The following PDE6C variants were observed in gnomAD, a reference collection of about 807,000 sequenced individuals.
PDE6C encodes phosphodiesterase 6C, also known as cone cGMP-specific 3',5'-cyclic phosphodiesterase subunit alpha'.
In PDE6C, 75 loss-of-function variants were observed where a neutral mutation model predicts 113.1. The observed-to-expected ratio is 0.66, with a 90% confidence interval of 0.55 to 0.80. PDE6C has a LOEUF of 0.80. PDE6C is among the 30% of genes least tolerant of loss of function. The pLI, the probability that PDE6C is intolerant of heterozygous loss-of-function variation, is 0.00. For synonymous variants in PDE6C, 375 were observed against 363.7 expected, an observed-to-expected ratio of 1.03 and a Z score of -0.35; for missense variants, 912 against 1,038.6, an observed-to-expected ratio of 0.88 and a Z score of 1.67.
At chr10:93,635,982 T>C (rs2058527462) in intron 10 of PDE6C, among the ~76,000 whole-genome samples, 1 of 152,214 alleles carries the variant, frequency 6.6e-6, no homozygotes, top group Admixed American at 6.5e-5. Flanking sequence ...CTCAGTGTCA[T>C]GCAGTAATGA....
chr10:93,646,015 C>T lies in PDE6C; in HGVS notation c.1903C>T (p.Leu635=), dbSNP rs2058582458. ...TTCTTCTATTTTGGAGAGGCACCACCTGGAGTACAGTAAGACTCTGTTGCA... is the reference window on the plus strand; with the variant it reads ...TTCTTCTATTTTGGAGAGGCACCACTTGGAGTACAGTAAGACTCTGTTGCA... ...HGSSILERHH[L]EYSKTLLQDE... is the part of the protein sequence containing the mutation. Residue 635 remains leucine (L), a synonymous_variant, in exon 15 of 22, where the codon CTG becomes TTG. Coordinates refer to ENST00000371447, the MANE Select transcript of PDE6C (RefSeq NM_006204.4). 1 of 1,605,992 alleles carries T rather than the reference C, an allele frequency of 6.2e-7. No homozygotes were observed. The highest frequency in any genetic ancestry group is 1.7e-5 in the Admixed American group (1 of 59,940).
Position 93,620,899 on chromosome 10 carries a change from CAAA to C in PDE6C, c.643_645del (p.Lys215del). The C allele has an allele frequency of 1.2e-6, 2 of 1,613,494 alleles. No individual in the cohort carries two copies. The highest frequency in any genetic ancestry group is 1.7e-6 in the Non-Finnish European group (2 of 1,179,460). On this transcript the variant is annotated inframe_deletion, in exon 3 of 22. Coordinates refer to ENST00000371447, the MANE Select transcript of PDE6C (RefSeq NM_006204.4). ...TTCTCTGCCGTCTGTAGGTCTTTTCCAAATACCTCAACTTTGTGTCTATCATCC... is the reference window on the plus strand; with the variant it reads ...TTCTCTGCCGTCTGTAGGTCTTTTCCTACCTCAACTTTGTGTCTATCATCC...
chr10:93,622,538 G>A (rs1279714779), intron 4 of PDE6C, among the ~76,000 whole-genome samples: 4 of 151,610 alleles, frequency 2.6e-5, no homozygotes, highest in African/African-American at 9.7e-5. Context: ...TCATATATCT[G>A]CTACTACAGT....
intron 8 of PDE6C, among the ~76,000 whole-genome samples, chr10:93,629,853 G>A (rs1333663201): frequency 2.6e-5 from 4 of 152,076 alleles, no homozygotes; most frequent in Admixed American, 6.5e-5. Flanking sequence ...AGTTTCACCC[G>A]AGTACCCACT....
chr10:93,639,978 T>C, intron 11 of PDE6C, 92 bp from the exon 12 acceptor site: 5 of 1,278,400 alleles, frequency 3.9e-6, no homozygotes, highest in Non-Finnish European at 5.7e-6. Flanking sequence ...GTTCTTTTAT[T>C]GTAATTTTGG....
chr10:93,663,279 C>A, intron 21 of PDE6C, 101 bp downstream of exon 21: 1 of 1,174,990 alleles, frequency 8.5e-7, no homozygotes, highest in Non-Finnish European at 1.2e-6. Flanking sequence ...AAACAGAAAA[C>A]CTGCTTTACT....
chr10:93,642,582 T>G (rs2058565122), intron 14 of PDE6C, among the ~76,000 whole-genome samples: 1 of 152,144 alleles, frequency 6.6e-6, no homozygotes, highest in Non-Finnish European at 1.5e-5. Flanking sequence ...ACAGACTGAA[T>G]GGGCTTTGGA....
chr10:93,640,141 G>A lies in PDE6C; in HGVS notation c.1554G>A (p.Glu518=), dbSNP rs2058551988. 6.2e-7 allele frequency: 1 copy of A among 1,613,820 alleles called. No individual in the cohort carries two copies. The highest frequency in any genetic ancestry group is 2.2e-5 in the East Asian group (1 of 44,890). ...GCTTCAGTGACTTCCCCCTTACAGAGCACGGATTGATTAAATGTGGAATAC... is the reference window on the plus strand; with the variant it reads ...GCTTCAGTGACTTCCCCCTTACAGAACACGGATTGATTAAATGTGGAATAC... ...EFRFSDFPLT[E]HGLIKCGIRL... is the part of the protein sequence containing the mutation. The change falls in exon 12 of 22, where the codon GAG becomes GAA. Residue 518 remains glutamate, a synonymous_variant. Coordinates refer to ENST00000371447, the MANE Select transcript of PDE6C (RefSeq NM_006204.4).
Position 93,612,943 on chromosome 10 carries a change from G to A in PDE6C, c.218G>A (p.Gly73Glu). Residue 73 changes from glycine (G) to glutamate (E), a missense_variant, in exon 1 of 22, where the codon GGG becomes GAG. Gly to Glu is a moderately conservative substitution (Grantham distance 98). Coordinates refer to ENST00000371447, the MANE Select transcript of PDE6C (RefSeq NM_006204.4). ...CTGCTGTGGACCGTGCAGGAGGAGG[G>A]GGGCACCCCAGAGCAGGGGGTTCAC... ...LELLWTVQEE[G>E]GTPEQGVHRA... 6.2e-7 allele frequency: 1 copy of A among 1,613,954 alleles called. No homozygotes were observed. The highest frequency in any genetic ancestry group is 8.5e-7 in the Non-Finnish European group (1 of 1,179,986).
chr10:93,613,584 G>A (rs940510922), intron 1 of PDE6C, among the ~76,000 whole-genome samples: 9 of 152,180 alleles, frequency 5.9e-5, no homozygotes, highest in Non-Finnish European at 1.2e-4. Context: ...TACCCCACTA[G>A]GGAGATGGGC....
intron 15 of PDE6C, 121 bp from the exon 16 acceptor site, chr10:93,655,639 C>CAAAAAAAA: frequency 1.9e-5 from 6 of 318,946 alleles, no homozygotes; most frequent in South Asian, 3.2e-5. Flanking sequence ...GGAAGGAAAA[C>CAAAAAAAA]AAAAAAAAAA....
intron 12 of PDE6C, 111 bp from the exon 13 acceptor site, chr10:93,640,339 C>A: frequency 8.1e-7 from 1 of 1,239,314 alleles, no homozygotes; most frequent in Non-Finnish European, 1.2e-6. Flanking sequence ...CTAAATACAT[C>A]AGCTTAACCC....
chr10:93,651,334 T>C (rs1286397436), intron 15 of PDE6C, among the ~76,000 whole-genome samples: 1 of 152,144 alleles, frequency 6.6e-6, no homozygotes, highest in Non-Finnish European at 1.5e-5. Context: ...TGGGTAATTA[T>C]AAAGAAAAGA....
At chr10:93,635,353 A>G in intron 9 of PDE6C, 144 bp from the exon 10 acceptor site, 2 of 668,106 alleles carry the variant, frequency 3.0e-6, no homozygotes, top group Admixed American at 2.5e-5. Flanking sequence ...GAAGCTGATT[A>G]TTAGTATGTT....
At chr10:93,627,693 G>C (rs2058480801) in intron 7 of PDE6C, among the ~76,000 whole-genome samples, 1 of 152,130 alleles carries the variant, frequency 6.6e-6, no homozygotes, top group Non-Finnish European at 1.5e-5. Flanking sequence ...CTGATGAAAA[G>C]TTTAAAAAAG....
chr10:93,658,420 A>G (rs1194999373), intron 16 of PDE6C, among the ~76,000 whole-genome samples: 1 of 152,010 alleles, frequency 6.6e-6, no homozygotes, highest in Admixed American at 6.6e-5. Context: ...ATATCTTATC[A>G]TAGTTTGGGG....
rs757622521 is a variant in PDE6C at position 93,621,983 on chromosome 10, C to T, written c.775C>T (p.Arg259Ter). ...ATTTGAAGAACTCACAGATGTTGAG[C>T]GACAGTTTCACAAAGCGCTCTACAC... ...KVFEELTDVE[R>*]QFHKALYTVR... The change falls in exon 4 of 22, where the codon CGA (arginine) becomes TGA (stop). Residue 259 changes from arginine (R) to a stop codon, truncating the protein, a stop_gained. Coordinates refer to ENST00000371447, the MANE Select transcript of PDE6C (RefSeq NM_006204.4). LOFTEE classifies it high-confidence loss of function. 5.6e-6 allele frequency: 9 copies of T among 1,613,442 alleles called. No individual in the cohort carries two copies. The highest frequency in any genetic ancestry group is 7.6e-6 in the Non-Finnish European group (9 of 1,179,830).
intron 15 of PDE6C, among the ~76,000 whole-genome samples, chr10:93,652,220 G>T (rs1213618121): frequency 6.6e-6 from 1 of 152,116 alleles, no homozygotes; most frequent in Non-Finnish European, 1.5e-5. Flanking sequence ...TGGCCAAAAC[G>T]TTTATCAGAC....
At chr10:93,645,038 G>T (rs890196233) in intron 14 of PDE6C, among the ~76,000 whole-genome samples, 3 of 146,328 alleles carry the variant, frequency 2.1e-5, no homozygotes, top group African/African-American at 7.3e-5. Flanking sequence ...CAGGCACAGA[G>T]AGTCAAATAT....
Sources: allele counts gnomAD v4.1 joint callset (sites outside exome capture counted in the v4.1 genomes callset), GRCh38; gene constraint gnomAD v4.1.1; transcripts MANE v1.5; gene names NCBI Gene and HGNC (gene_info 2026-07-23, HGNC 2026-07-21).